Variants in SNX29 observed in about 807,000 individuals in gnomAD.
The protein encoded by SNX29 is sorting nexin-29.
SNX29 carries 78 observed loss-of-function variants against 102.1 expected under a neutral mutation model. The ratio of observed to expected loss-of-function variants is 0.76; its 90% CI spans 0.64 to 0.92. The LOEUF (loss-of-function observed/expected upper bound fraction) is 0.92. SNX29 is among the 40% of genes least tolerant of loss of function. The pLI is 0.00. For synonymous variants in SNX29, 580 were observed against 414.5 expected (o/e 1.40, Z -4.85); for missense variants, 1,280 against 1,061.7 (o/e 1.21, Z -2.86).
At chr16:12,331,094 C>A (rs935437127) in intron 15 of SNX29, among the ~76,000 whole-genome samples, 1 of 152,196 alleles carries the variant, frequency 6.6e-6, no homozygotes, top group Non-Finnish European at 1.5e-5. Flanking sequence ...TGGATTGCAC[C>A]CCATGGGCTC....
At chr16:12,558,469 C>CT (rs2078512204) in intron 20 of SNX29, among the ~76,000 whole-genome samples, 1 of 152,192 alleles carries the variant, frequency 6.6e-6, no homozygotes, top group Non-Finnish European at 1.5e-5. Context: ...TAATGCCATC[C>CT]TTTAAAGTTA....
chr16:12,558,982 T>C (rs1332419475), intron 20 of SNX29, among the ~76,000 whole-genome samples: 2 of 152,206 alleles, frequency 1.3e-5, no homozygotes, highest in Non-Finnish European at 2.9e-5. Flanking sequence ...TCAGAGACTT[T>C]AAAGAAATTT....
chr16:12,459,022 C>T (rs1293028305), intron 18 of SNX29, among the ~76,000 whole-genome samples: 1 of 150,648 alleles, frequency 6.6e-6, no homozygotes, highest in Non-Finnish European at 1.5e-5. Context: ...TCCCTTTCTC[C>T]CTTCCTCCTC....
chr16:12,065,602 G>C (rs1426640060), intron 9 of SNX29, among the ~76,000 whole-genome samples: 1 of 152,186 alleles, frequency 6.6e-6, no homozygotes, highest in African/African-American at 2.4e-5. Context: ...ACAGACTGTG[G>C]TGGCTCTGCC....
chr16:12,347,619 G>A (rs2081852776), intron 15 of SNX29, among the ~76,000 whole-genome samples: 2 of 152,072 alleles, frequency 1.3e-5, no homozygotes, highest in African/African-American at 2.4e-5. Context: ...CTGCTAATAT[G>A]TAAAACACTT....
In SNX29 at chr16:12,570,750, A is replaced by G. The variant is rs979206967; in HGVS notation, c.*2121A>G. 1 of 230,162 alleles carries G rather than the reference A, an allele frequency of 4.3e-6. No homozygotes were observed. Among genetic ancestry groups the G allele is most frequent in the African/African-American group, 2.3e-5 (1 of 44,178 alleles). 14.3% of individuals were successfully genotyped at this position (230,162 alleles called of 1,614,324 possible). A position where few individuals can be genotyped will look rare whatever the true frequency, so the allele number is the denominator to read the frequency against. ...CTCTCCAGATACCCCACGAGGAAGC[A>G]CCTTGGACATTCTGCACATGATAAT... On this transcript the variant is annotated 3_prime_UTR_variant, in exon 21 of 21. Transcript: ENST00000566228.
intron 4 of SNX29, among the ~76,000 whole-genome samples, chr16:12,029,254 A>T (rs1193773379): frequency 6.6e-6 from 1 of 152,142 alleles, no homozygotes; most frequent in Non-Finnish European, 1.5e-5. Flanking sequence ...CAATAAAATT[A>T]TGTTCACTAA....
At chr16:12,401,479 T>G (rs1196637967) in intron 17 of SNX29, among the ~76,000 whole-genome samples, 1 of 149,240 alleles carries the variant, frequency 6.7e-6, no homozygotes, top group African/African-American at 2.5e-5. Context: ...TTCTCCTGCC[T>G]CAGCCTCCCA....
At chr16:12,368,270 A>G (rs2082558619) in intron 16 of SNX29, among the ~76,000 whole-genome samples, 1 of 152,236 alleles carries the variant, frequency 6.6e-6, no homozygotes, top group South Asian at 2.1e-4. Context: ...CCTGAAGATC[A>G]AAGTTTCGTG....
chr16:12,257,722 TTC>T (rs2078618149), intron 14 of SNX29, among the ~76,000 whole-genome samples: 1 of 150,934 alleles, frequency 6.6e-6, no homozygotes, highest in Non-Finnish European at 1.5e-5. Context: ...GCATCAGGGT[TTC>T]TCTGCATTGC....
intron 16 of SNX29, chr16:12,373,642 C>T (rs564664546): frequency 1.3e-4 from 20 of 152,280 alleles, no homozygotes; most frequent in African/African-American, 4.3e-4. Context: ...TCTCCTTTGT[C>T]CATTTTATGT....
intron 18 of SNX29, among the ~76,000 whole-genome samples, chr16:12,414,826 A>C (rs566392834): frequency 1.3e-5 from 2 of 152,110 alleles, no homozygotes; most frequent in African/African-American, 4.8e-5. Context: ...GGTTCAAGCA[A>C]TTCTCCCACC....
chr16:12,545,995 C>G (rs1270650471), intron 20 of SNX29, among the ~76,000 whole-genome samples: 1 of 152,118 alleles, frequency 6.6e-6, no homozygotes, highest in Admixed American at 6.5e-5. Flanking sequence ...AGTTTGAACA[C>G]CTGGATGCCA....
chr16:12,489,404 T>G (rs141616943), intron 19 of SNX29, among the ~76,000 whole-genome samples: 1 of 152,202 alleles, frequency 6.6e-6, no homozygotes, highest in African/African-American at 2.4e-5. Context: ...CGTCCTTCTC[T>G]GCAGTGTCAT....
At chr16:12,285,405 C>A (rs1210053641) in intron 15 of SNX29, among the ~76,000 whole-genome samples, 1 of 152,292 alleles carries the variant, frequency 6.6e-6, no homozygotes, top group Middle Eastern at 3.4e-3. Flanking sequence ...AATTATAAGA[C>A]ACTTATCGTT....
At chr16:12,165,762 C>A (rs1327191555) in intron 13 of SNX29, among the ~76,000 whole-genome samples, 1 of 152,216 alleles carries the variant, frequency 6.6e-6, no homozygotes, top group African/African-American at 2.4e-5. Context: ...CGGTGTTTTG[C>A]CATGTTGTCC....
At chr16:12,067,353 G>A (rs181444248) in intron 9 of SNX29, among the ~76,000 whole-genome samples, 17 of 152,176 alleles carry the variant, frequency 1.1e-4, no homozygotes, top group Admixed American at 6.5e-4. Flanking sequence ...GGCACCTTGA[G>A]TAAGCCAAGC....
Position 12,572,634 on chromosome 16 carries a change from C to A in SNX29, c.*4005C>A. Reference sequence around the variant, plus strand: ...CCGGCTACCCCCAGAATCCATCCTTCATTCCTCCACCAAGCTCCTGTGTGA... The same window carrying A: ...CCGGCTACCCCCAGAATCCATCCTTAATTCCTCCACCAAGCTCCTGTGTGA... On this transcript the variant is annotated 3_prime_UTR_variant, in exon 21 of 21. Transcript: ENST00000566228. 9.4e-7 allele frequency: 1 copy of A among 1,063,996 alleles called. No individual in the cohort carries two copies. Among genetic ancestry groups the A allele is most frequent in the Non-Finnish European group, 1.1e-6 (1 of 878,440 alleles). 65.9% of individuals were successfully genotyped at this position (1,063,996 alleles called of 1,614,324 possible).
intron 18 of SNX29, chr16:12,443,276 C>G (rs1472539130): frequency 2.1e-5 from 5 of 236,082 alleles, no homozygotes; most frequent in Non-Finnish European, 4.3e-5. Context: ...GGGGCCCACG[C>G]TGTTCCTCCC....
Sources: gnomAD v4.1 joint callset for allele counts (sites outside exome capture counted in the v4.1 genomes callset) on GRCh38, gnomAD v4.1.1 for gene constraint, MANE v1.5 for transcripts, NCBI Gene and HGNC (gene_info 2026-07-23, HGNC 2026-07-21) for gene names.